ARSK: variants seen among roughly 807,000 people sequenced by gnomAD.
The protein encoded by ARSK is arylsulfatase family member K.
In ARSK, 37 loss-of-function variants were observed where a neutral mutation model predicts 53.2. The observed-to-expected ratio is 0.70, with a 90% CI of 0.54 to 0.92. ARSK has a LOEUF of 0.92. Among genes scored for constraint, ARSK ranks in the 40% least tolerant of loss-of-function variants. The probability of loss-of-function intolerance (pLI) is 0.00; values close to 1 mark genes in which losing one functional copy is unlikely to be tolerated. For synonymous variants in ARSK, 208 were observed against 223.2 expected (o/e 0.93, Z 0.61); for missense variants, 613 against 643.0 (o/e 0.95, Z 0.51).
rs1192030253 is a variant in ARSK at position 95,603,239 on chromosome 5, C to T, written c.1324C>T (p.Leu442Phe). The part of the protein sequence containing the change: ...GASILPQLFD[L>F]SSDPDELTNV... ...GATACTTATTTTTTTTCTTTCAGAT[C>T]TTTCCTCGGATCCAGATGAATTAAC... The change falls in exon 8 of 8, where the codon CTT becomes TTT. Residue 442 changes from leucine to phenylalanine, a missense_variant and splice_region_variant. Leu to Phe is a conservative substitution (Grantham distance 22). Coordinates refer to ENST00000380009, the MANE Select transcript of ARSK (RefSeq NM_198150.3). 5 of 1,544,002 alleles carry T rather than the reference C, an allele frequency of 3.2e-6. No homozygotes were observed. The highest frequency in any genetic ancestry group is 2.1e-5 in the Admixed American group (1 of 47,226).
At chr5:95,565,256 T>G (rs535956547) in intron 1 of ARSK, among the ~76,000 whole-genome samples, 4 of 150,414 alleles carry the variant, frequency 2.7e-5, no homozygotes, top group African/African-American at 7.5e-5. Flanking sequence ...GCTGCCTAAT[T>G]TTTTTTTGTA....
At chr5:95,599,965 A>G (rs1749375844) in intron 6 of ARSK, among the ~76,000 whole-genome samples, 1 of 152,216 alleles carries the variant, frequency 6.6e-6, no homozygotes. Context: ...GGGCTGGGGA[A>G]GACAACTGCA....
chr5:95,603,513 C>T lies in ARSK; in HGVS notation c.1598C>T (p.Pro533Leu). The change falls in exon 8 of 8, where the codon CCA becomes CTA. Residue 533 changes from proline to leucine, a missense_variant. Pro to Leu is a moderately conservative substitution (Grantham distance 98). Coordinates refer to ENST00000380009, the MANE Select transcript of ARSK (RefSeq NM_198150.3). ...IDQWLKTHMN[P>L]RAV Reference sequence around the variant, plus strand: ...CAGTGGCTTAAAACCCATATGAATCCAAGAGCAGTTTGAACAAAAAGTTTA... The same window carrying T: ...CAGTGGCTTAAAACCCATATGAATCTAAGAGCAGTTTGAACAAAAAGTTTA... 6.3e-7 allele frequency: 1 copy of T among 1,593,530 alleles called. No homozygotes were observed. The highest frequency in any genetic ancestry group is 8.5e-7 in the Non-Finnish European group (1 of 1,172,744).
chr5:95,567,646 A>C (rs1345895849), intron 2 of ARSK, among the ~76,000 whole-genome samples: 1 of 152,208 alleles, frequency 6.6e-6, no homozygotes, highest in Non-Finnish European at 1.5e-5. Flanking sequence ...TATTTACCTT[A>C]AGTAACTTAA....
chr5:95,603,527 AC>A lies in ARSK; in HGVS notation c.*2del. The A allele has an allele frequency of 6.3e-7, 1 of 1,584,192 alleles. No individual in the cohort carries two copies. Among genetic ancestry groups the A allele is most frequent in the South Asian group, 1.2e-5 (1 of 84,702 alleles). On this transcript the variant is annotated 3_prime_UTR_variant, in exon 8 of 8. Transcript: ENST00000380009. ...CCATATGAATCCAAGAGCAGTTTGA[AC>A]AAAAAGTTTAAAAATAGTGTTCTAG...
chr5:95,581,382 G>GA (rs1480935581), intron 3 of ARSK, among the ~76,000 whole-genome samples: 2 of 152,180 alleles, frequency 1.3e-5, no homozygotes, highest in Non-Finnish European at 2.9e-5. Context: ...TTCAAGGCTT[G>GA]AAAATCTTTC....
At chr5:95,576,542 C>G (rs1194217199) in intron 3 of ARSK, among the ~76,000 whole-genome samples, 1 of 151,862 alleles carries the variant, frequency 6.6e-6, no homozygotes, top group Non-Finnish European at 1.5e-5. Flanking sequence ...TAAAAATTGA[C>G]TGAGATTTGC....
intron 3 of ARSK, among the ~76,000 whole-genome samples, chr5:95,581,188 G>A (rs1317214434): frequency 2.0e-5 from 3 of 152,090 alleles, no homozygotes; most frequent in African/African-American, 7.2e-5. Flanking sequence ...GATTACAGTA[G>A]GCCAAAATTA....
intron 3 of ARSK, among the ~76,000 whole-genome samples, chr5:95,578,512 T>A (rs1748966997): frequency 6.6e-6 from 1 of 152,058 alleles, no homozygotes; most frequent in East Asian, 1.9e-4. Flanking sequence ...CTTACAGAAT[T>A]TATTAGGTCG....
chr5:95,555,299 G>T lies in ARSK; in HGVS notation c.21G>T (p.Ser7=). Residue 7 remains serine (S), a synonymous_variant, in exon 1 of 8, where the codon TCG becomes TCT. Coordinates refer to ENST00000380009, the MANE Select transcript of ARSK (RefSeq NM_198150.3). The surrounding 1 kb of genome is among the most constrained non-coding windows in gnomAD (Gnocchi z 4.0). ...CGGCGATGCTACTGCTGTGGGTGTC[G>T]GTGGTCGCAGCCTTGGCGCTGGCGG... MLLLWV[S]VVAALALAVL... 1 of 1,601,976 alleles carries T rather than the reference G, an allele frequency of 6.2e-7. No homozygotes were observed. Among genetic ancestry groups the T allele is most frequent in the South Asian group, 1.1e-5 (1 of 90,656 alleles).
chr5:95,568,921 A>C (rs1357234103), intron 3 of ARSK, among the ~76,000 whole-genome samples: 1 of 152,180 alleles, frequency 6.6e-6, no homozygotes, highest in Non-Finnish European at 1.5e-5. Flanking sequence ...CTGATTCTCT[A>C]ATGAGCAGAA....
intron 6 of ARSK, among the ~76,000 whole-genome samples, chr5:95,599,917 A>G (rs1015626625): frequency 2.0e-5 from 3 of 152,200 alleles, no homozygotes; most frequent in African/African-American, 7.2e-5. Flanking sequence ...TTCATTGGAA[A>G]TATTTATACA....
chr5:95,599,715 A>G (rs1043737249), intron 6 of ARSK, among the ~76,000 whole-genome samples: 2 of 152,226 alleles, frequency 1.3e-5, no homozygotes, highest in African/African-American at 2.4e-5. Flanking sequence ...TCTTCTTCCA[A>G]GGAAAATGGA....
Position 95,603,609 on chromosome 5 carries a change from T to C in ARSK, c.*83T>C. 7.7e-7 allele frequency: 1 copy of C among 1,299,148 alleles called. No homozygotes were observed. Among genetic ancestry groups the C allele is most frequent in the Non-Finnish European group, 1.0e-6 (1 of 992,246 alleles). The allele number at this position is 1,299,148 out of a possible 1,614,324, so 80.5% of individuals were successfully genotyped here. A position where few individuals can be genotyped will look rare whatever the true frequency, so the allele number is the denominator to read the frequency against. ...ATTATGTATTTTAAATGAAACAGTT[T>C]TAATAATTACCAAGTTTTGGCCGGG... On this transcript the variant is annotated 3_prime_UTR_variant, in exon 8 of 8. Transcript: ENST00000380009.
intron 3 of ARSK, among the ~76,000 whole-genome samples, chr5:95,572,610 C>T (rs997023563): frequency 1.3e-5 from 2 of 152,072 alleles, no homozygotes; most frequent in Admixed American, 1.3e-4. Flanking sequence ...AACCCCGTCT[C>T]TACTAAAAAT....
chr5:95,599,956 GGCT>G (rs1164334492), intron 6 of ARSK, among the ~76,000 whole-genome samples: 3 of 152,168 alleles, frequency 2.0e-5, no homozygotes, highest in Middle Eastern at 3.4e-3. Flanking sequence ...ACCAGAAAAG[GGCT>G]GGGGAAGACA....
At chr5:95,578,203 G>A (rs1748958852) in intron 3 of ARSK, among the ~76,000 whole-genome samples, 1 of 152,108 alleles carries the variant, frequency 6.6e-6, no homozygotes, top group South Asian at 2.1e-4. Flanking sequence ...CTAGGCTGGA[G>A]TAAAGTGGCA....
intron 4 of ARSK, among the ~76,000 whole-genome samples, chr5:95,584,786 G>A (rs1749082424): frequency 6.6e-6 from 1 of 152,136 alleles, no homozygotes; most frequent in South Asian, 2.1e-4. Flanking sequence ...TGAGGCGGGT[G>A]GATCACCTGA....
intron 6 of ARSK, among the ~76,000 whole-genome samples, chr5:95,592,549 C>CT (rs905074505): frequency 2.6e-4 from 39 of 151,212 alleles, no homozygotes; most frequent in South Asian, 8.4e-4. Context: ...TCCTTGAACT[C>CT]TTTTTTTTTG....
Sources: gnomAD v4.1 joint callset for allele counts (sites outside exome capture counted in the v4.1 genomes callset) on GRCh38, gnomAD v4.1.1 for gene constraint, Gnocchi (gnomAD v3.1) non-coding constraint, MANE v1.5 for transcripts, NCBI Gene and HGNC (gene_info 2026-07-23, HGNC 2026-07-21) for gene names.